Variants in HDAC9 observed in about 807,000 individuals in gnomAD.
The protein encoded by HDAC9 is MEF-2 interacting transcription repressor (MITR) protein.
Under a neutral mutation model 139.4 loss-of-function variants are expected in HDAC9, and 41 were observed. The ratio of observed to expected loss-of-function variants is 0.29; its 90% CI spans 0.23 to 0.38. HDAC9 has a LOEUF of 0.38. Among genes scored for constraint, HDAC9 ranks in the 10% least tolerant of loss-of-function variants. HDAC9 has a pLI of 1.00. For synonymous variants in HDAC9, 517 were observed against 476.2 expected, an observed-to-expected ratio of 1.09 and a Z score of -1.12; for missense variants, 1,147 against 1,297.0, an observed-to-expected ratio of 0.88 and a Z score of 1.78.
In HDAC9 at chr7:18,459,977, C is replaced by CTCA. The variant is rs569910349; in HGVS notation, c.-41-36281_-41-36279dup. On this transcript the variant is annotated intron_variant, in intron 1 of 3. Coordinates refer to the HDAC9 transcript ENST00000413509. ...TTTTTTTTTCGAGACAGAGGTTCTG[C>CTCA]TCATCACCCATGGCTCACTGGAGCC... Among the ~76,000 whole-genome samples, 94 of 147,386 alleles carry CTCA rather than the reference C, an allele frequency of 6.4e-4. No homozygotes were observed. The East Asian group carries it at 0.018, about 27-fold the overall frequency.
chr7:18,750,344 A>G (rs1277589143), intron 14 of HDAC9, among the ~76,000 whole-genome samples: 3 of 152,196 alleles, frequency 2.0e-5, no homozygotes, highest in Non-Finnish European at 4.4e-5. Flanking sequence ...AAACATCAAA[A>G]CATTGGTAGT....
chr7:18,897,402 C>A (rs1281417856), intron 22 of HDAC9, among the ~76,000 whole-genome samples: 1 of 151,724 alleles, frequency 6.6e-6, no homozygotes, highest in Non-Finnish European at 1.5e-5. Context: ...TAACTTTTTC[C>A]TTTGTTTTCT....
At chr7:18,543,256 A>T (rs1320548036) in intron 2 of HDAC9, 1 of 152,182 alleles carries the variant, frequency 6.6e-6, no homozygotes, top group Non-Finnish European at 1.5e-5. Context: ...TGAAAACGAC[A>T]TGGAAGATTT....
upstream of HDAC9, among the ~76,000 whole-genome samples, chr7:18,493,557 T>A (rs1305607171): frequency 6.6e-6 from 1 of 151,932 alleles, no homozygotes; most frequent in Admixed American, 6.6e-5. Context: ...TGAGTGAATT[T>A]CAATGATTGT....
At chr7:18,765,276 T>C (rs1451242807) in intron 15 of HDAC9, among the ~76,000 whole-genome samples, 1 of 152,192 alleles carries the variant, frequency 6.6e-6, no homozygotes, top group Non-Finnish European at 1.5e-5. Flanking sequence ...AGTAGGATAC[T>C]TATTTTGCTA....
rs140456879 is a variant in HDAC9 at position 18,460,011 on chromosome 7, C to T, written c.-41-36251C>T. On this transcript the variant is annotated intron_variant, in intron 1 of 3. Transcript: ENST00000413509. The stretch of plus-strand genomic sequence containing the variant: ...CATGGCTCACTGGAGCCTCAAATTC[C>T]TGGGCACAGGCAATCTTCCCACCTC... Among the ~76,000 whole-genome samples the T allele has an allele frequency of 2.5e-3, 380 of 151,026 alleles. 5 individuals carry two copies. Among genetic ancestry groups the T allele is most frequent in the African/African-American group, 8.6e-3 (351 of 41,044 alleles).
intron 1 of HDAC9, among the ~76,000 whole-genome samples, chr7:18,102,919 C>T (rs1223516254): frequency 1.3e-5 from 2 of 152,136 alleles, no homozygotes; most frequent in Non-Finnish European, 2.9e-5. Flanking sequence ...TTAAGAATGG[C>T]AGAGCAACAA....
chr7:18,217,185 T>C (rs1792378657), intron 2 of HDAC9, among the ~76,000 whole-genome samples: 1 of 152,132 alleles, frequency 6.6e-6, no homozygotes, highest in Non-Finnish European at 1.5e-5. Flanking sequence ...TATTGAACTA[T>C]TAAAATTCAT....
chr7:18,835,000 T>G (rs1796130716), intron 19 of HDAC9, among the ~76,000 whole-genome samples: 1 of 152,218 alleles, frequency 6.6e-6, no homozygotes, highest in African/African-American at 2.4e-5. Context: ...GTTTAAACAT[T>G]AGTCTTTTTT....
intron 1 of HDAC9, among the ~76,000 whole-genome samples, chr7:18,307,305 C>T (rs769145804): frequency 6.6e-6 from 1 of 151,980 alleles, no homozygotes; most frequent in Non-Finnish European, 1.5e-5. Flanking sequence ...AGGGAGGGCA[C>T]ATAAATGAAA....
chr7:18,391,390 C>CA (rs1202080586), intron 1 of HDAC9, among the ~76,000 whole-genome samples: 17 of 147,004 alleles, frequency 1.2e-4, no homozygotes, highest in South Asian at 6.5e-4. Context: ...ATCCCCCCCC[C>CA]AAAAAAAAAA....
chr7:18,773,874 AAACT>A (rs1248409944), intron 16 of HDAC9, among the ~76,000 whole-genome samples: 5 of 152,136 alleles, frequency 3.3e-5, no homozygotes, highest in African/African-American at 1.2e-4. Flanking sequence ...CCCCCGTAAC[AAACT>A]AATATTCAAT....
intron 1 of HDAC9, among the ~76,000 whole-genome samples, chr7:18,455,509 C>T (rs1563005679): frequency 6.6e-6 from 1 of 152,082 alleles, no homozygotes; most frequent in Non-Finnish European, 1.5e-5. Context: ...AGGAACAATT[C>T]TTACAGTGAG....
upstream of HDAC9, among the ~76,000 whole-genome samples, chr7:18,286,660 A>G (rs1649099983): frequency 6.6e-6 from 1 of 151,954 alleles, no homozygotes; most frequent in Non-Finnish European, 1.5e-5. Flanking sequence ...GAGGTTTAAT[A>G]AAGTATTTTT....
At chr7:18,272,657 T>C (rs1273692075) in intron 2 of HDAC9, among the ~76,000 whole-genome samples, 1 of 152,144 alleles carries the variant, frequency 6.6e-6, no homozygotes, top group Admixed American at 6.6e-5. Flanking sequence ...ATGAAAGTCA[T>C]TTAAGAAGAT....
chr7:18,989,026 G>T (rs1585497646), intron 25 of HDAC9, among the ~76,000 whole-genome samples: 2 of 107,204 alleles, frequency 1.9e-5, no homozygotes, highest in East Asian at 4.3e-4. Flanking sequence ...CAATTTGCCA[G>T]TCTGTGTCTT....
intron 6 of HDAC9, among the ~76,000 whole-genome samples, chr7:18,599,184 T>C (rs801535): frequency 0.91 from 138,506 of 152,274 alleles, 63,078 homozygotes; most frequent in South Asian, 0.96. Context: ...ACAGAAAAAT[T>C]GAGCAGATAT....
chr7:18,400,161 G>A (rs1386487786), intron 1 of HDAC9, among the ~76,000 whole-genome samples: 2 of 152,196 alleles, frequency 1.3e-5, no homozygotes, highest in African/African-American at 2.4e-5. Flanking sequence ...CTACTTTGGA[G>A]TCATGTCTTA....
chr7:18,712,092 T>C (rs1371713357), intron 12 of HDAC9, among the ~76,000 whole-genome samples: 2 of 152,158 alleles, frequency 1.3e-5, no homozygotes, highest in Admixed American at 1.3e-4. Context: ...GCTCATCAGG[T>C]TTGCCCATAG....
Sources: allele counts gnomAD v4.1 joint callset (sites outside exome capture counted in the v4.1 genomes callset), GRCh38; gene constraint gnomAD v4.1.1; transcripts MANE v1.5; gene names NCBI Gene and HGNC (gene_info 2026-07-23, HGNC 2026-07-21).